DLGAP2: variants seen among roughly 807,000 people sequenced by gnomAD.
DLGAP2 encodes disks large-associated protein 2.
In DLGAP2, 26 loss-of-function variants were observed where a neutral mutation model predicts 100.3. That is an observed-to-expected ratio of 0.26 (90% confidence interval 0.19 to 0.36). The LOEUF (loss-of-function observed/expected upper bound fraction) is 0.36. Among genes scored for constraint, DLGAP2 ranks in the 10% least tolerant of loss-of-function variants. DLGAP2 has a pLI of 1.00. For synonymous variants in DLGAP2, 886 were observed against 630.1 expected (o/e 1.41, Z -6.08); for missense variants, 1,858 against 1,453.2 (o/e 1.28, Z -4.53).
At chr8:1,358,770 C>G (rs1382021503) in intron 3 of DLGAP2, among the ~76,000 whole-genome samples, 2 of 152,102 alleles carry the variant, frequency 1.3e-5, no homozygotes, top group African/African-American at 2.4e-5. Context: ...CTGCGGTGGG[C>G]TAAGCGGGGC....
At chr8:994,303 C>A (rs975205912) in intron 2 of DLGAP2, among the ~76,000 whole-genome samples, 1 of 152,106 alleles carries the variant, frequency 6.6e-6, no homozygotes. Flanking sequence ...CAGATTCAAG[C>A]GATTCTCCTG....
intron 2 of DLGAP2, among the ~76,000 whole-genome samples, chr8:957,679 A>G (rs1025047512): frequency 3.9e-5 from 6 of 152,200 alleles, no homozygotes; most frequent in African/African-American, 1.4e-4. Flanking sequence ...CAGTATCTCT[A>G]ATGCCTTACC....
rs140922352 is a variant in DLGAP2, at chr8:775,056, G to T, written c.18+37231G>T. 7.5e-3 allele frequency among the ~76,000 whole-genome samples: 1,138 copies of T among 152,218 alleles called. 13 individuals are homozygous for T. Among genetic ancestry groups the T allele is most frequent in the African/African-American group, 0.026 (1,075 of 41,506 alleles). ...GTGGTTTGTAGTTCTCCTCGAAGAG[G>T]TCCTTCTCGTCCCTTGTAAGTTGGA... On this transcript the variant is annotated intron_variant, in intron 1 of 14. Transcript: ENST00000637795.
chr8:1,213,460 C>A (rs1798147846), intron 2 of DLGAP2, among the ~76,000 whole-genome samples: 2 of 152,010 alleles, frequency 1.3e-5, no homozygotes, highest in Admixed American at 1.3e-4. Context: ...CCTTAATGTC[C>A]CAGAGTACTC....
chr8:1,056,255 C>T lies in DLGAP2; in HGVS notation c.73+148289C>T, dbSNP rs117028674. ...GCATAGTTTTACAAGGGCCTGGTCA[C>T]GTGGGCCTCTCCACTCGTGGCATCT... On this transcript the variant is annotated intron_variant, in intron 2 of 14. Transcript: ENST00000637795. Among the ~76,000 whole-genome samples the T allele has an allele frequency of 7.9e-4, 120 of 152,310 alleles. 2 individuals carry two copies. The East Asian group carries it at 0.018, about 23-fold the overall frequency.
At chr8:814,873 A>AAG (rs1796435700) in intron 1 of DLGAP2, among the ~76,000 whole-genome samples, 1 of 147,810 alleles carries the variant, frequency 6.8e-6, no homozygotes, top group African/African-American at 2.5e-5. Context: ...AAAAAAAAAA[A>AAG]GAAATACTAT....
chr8:1,058,831 T>G lies in DLGAP2; in HGVS notation c.73+150865T>G, dbSNP rs571696790. Among the ~76,000 whole-genome samples, 17 of 152,358 alleles carry G rather than the reference T, an allele frequency of 1.1e-4. No individual in the cohort carries two copies. In the South Asian group the frequency reaches 3.3e-3, roughly 30 times the overall value. On this transcript the variant is annotated intron_variant, in intron 2 of 14. Transcript: ENST00000637795. ...AGGAATCAGGAAACACCTTGTGGTG[T>G]GACTTCATGTGAGTTCCTGGACACC...
chr8:912,970 G>T (rs1798519300), intron 2 of DLGAP2, among the ~76,000 whole-genome samples: 1 of 152,226 alleles, frequency 6.6e-6, no homozygotes, highest in Admixed American at 6.5e-5. Context: ...GTTGCTGTGT[G>T]CTTTCTGCAG....
chr8:1,023,855 A>ATGTGTGTGTGTGTGTGTGTGTGTG (rs1192338772), intron 2 of DLGAP2, among the ~76,000 whole-genome samples: 6 of 59,386 alleles, frequency 1.0e-4, no homozygotes, highest in South Asian at 5.8e-4. Context: ...CAAACTTTAT[A>ATGTGTGTGTGTGTGTGTGTGTGTG]TATGTGTGTG....
intron 1 of DLGAP2, among the ~76,000 whole-genome samples, chr8:837,900 T>G (rs1173647017): frequency 2.7e-5 from 4 of 148,096 alleles, no homozygotes; most frequent in Non-Finnish European, 6.0e-5. Context: ...TTTGTTTTTT[T>G]TTTTTTCTTT....
chr8:965,308 A>G (rs6996215), intron 2 of DLGAP2, among the ~76,000 whole-genome samples: 2,899 of 118,558 alleles, frequency 0.024, 155 homozygotes, highest in African/African-American at 0.099. Flanking sequence ...AGGGCTCCTG[A>G]GTCTGACCCC....
intron 12 of DLGAP2, among the ~76,000 whole-genome samples, chr8:1,680,081 G>C (rs933529575): frequency 6.7e-6 from 1 of 150,128 alleles, no homozygotes; most frequent in Non-Finnish European, 1.5e-5. Flanking sequence ...TTTGTTTATA[G>C]ACCAATTACA....
intron 3 of DLGAP2, among the ~76,000 whole-genome samples, chr8:1,328,259 C>G (rs1052536618): frequency 2.0e-5 from 3 of 151,924 alleles, no homozygotes; most frequent in African/African-American, 7.3e-5. Flanking sequence ...CCAGGCTGGT[C>G]TCAAACTCCT....
intron 3 of DLGAP2, among the ~76,000 whole-genome samples, chr8:1,287,056 A>G (rs1391025920): frequency 6.6e-6 from 1 of 152,164 alleles, no homozygotes; most frequent in African/African-American, 2.4e-5. Context: ...GTGTGTGTAC[A>G]TGGTTCTATT....
Position 1,085,192 on chromosome 8 carries a change from C to G in DLGAP2, c.74-173659C>G, listed in dbSNP as rs540634186. ...AGAAATGTGTGTTCAGGTACCTTGCCCATTTCTTAATTGGATAATTTCTTT... is the reference window on the plus strand; with the variant it reads ...AGAAATGTGTGTTCAGGTACCTTGCGCATTTCTTAATTGGATAATTTCTTT... On this transcript the variant is annotated intron_variant, in intron 2 of 14. Coordinates refer to ENST00000637795, the MANE Select transcript of DLGAP2 (RefSeq NM_001346810.2). 5.9e-5 allele frequency among the ~76,000 whole-genome samples: 9 copies of G among 152,240 alleles called. 1 individual carries two copies. In the South Asian group the frequency reaches 1.9e-3, roughly 32 times the overall value.
chr8:1,479,855 G>T (rs376471206), intron 3 of DLGAP2, among the ~76,000 whole-genome samples: 2 of 152,198 alleles, frequency 1.3e-5, no homozygotes, highest in South Asian at 4.1e-4. Flanking sequence ...ACTTTGTTGG[G>T]ATGGAAAATG....
intron 5 of DLGAP2, among the ~76,000 whole-genome samples, chr8:1,552,728 T>C (rs1290490190): frequency 6.6e-6 from 1 of 152,208 alleles, no homozygotes; most frequent in African/African-American, 2.4e-5. Flanking sequence ...TAAATTTTCT[T>C]CCTTTTTTCA....
intron 1 of DLGAP2, among the ~76,000 whole-genome samples, chr8:798,727 G>T (rs917664726): frequency 7.3e-6 from 1 of 136,452 alleles, no homozygotes; most frequent in African/African-American, 2.8e-5. Context: ...CCAGGTGATG[G>T]GTGCCTGCTT....
At chr8:1,417,294 C>T (rs551301123) in intron 3 of DLGAP2, among the ~76,000 whole-genome samples, 31 of 152,154 alleles carry the variant, frequency 2.0e-4, no homozygotes, top group African/African-American at 7.5e-4. Context: ...GACCGGCGTT[C>T]ATTTAGCGTC....
Sources: allele counts gnomAD v4.1 joint callset (sites outside exome capture counted in the v4.1 genomes callset), GRCh38; gene constraint gnomAD v4.1.1; transcripts MANE v1.5; gene names NCBI Gene and HGNC (gene_info 2026-07-23, HGNC 2026-07-21).